The following RBMS3 variants were observed in gnomAD, a reference collection of about 807,000 sequenced individuals.
RBMS3 encodes RNA-binding motif, single-stranded-interacting protein 3.
In RBMS3, 27 loss-of-function variants were observed where a neutral mutation model predicts 66.8. The ratio of observed to expected loss-of-function variants is 0.40; its 90% CI spans 0.30 to 0.56. The LOEUF (loss-of-function observed/expected upper bound fraction) is 0.56, where lower values mean the gene tolerates loss of function less well. RBMS3 is among the 20% of genes least tolerant of loss of function. The pLI, the probability that RBMS3 is intolerant of heterozygous loss-of-function variation, is 0.40. For missense variants in RBMS3, 513 were observed against 549.5 expected, an observed-to-expected ratio of 0.93 and a Z score of 0.66; for synonymous variants, 188 against 183.0, an observed-to-expected ratio of 1.03 and a Z score of -0.22.
chr3:29,413,028 G>A (rs867106061), intron 1 of RBMS3, among the ~76,000 whole-genome samples: 13 of 152,280 alleles, frequency 8.5e-5, no homozygotes, highest in African/African-American at 3.1e-4. Flanking sequence ...AAGAGAAGAT[G>A]GCCCTGTTTG....
intron 1 of RBMS3, among the ~76,000 whole-genome samples, chr3:29,325,723 T>C (rs2035299277): frequency 6.6e-6 from 1 of 152,028 alleles, no homozygotes; most frequent in Non-Finnish European, 1.5e-5. Flanking sequence ...CTCACAGGTG[T>C]TCTTCTAGAA....
At chr3:29,824,284 A>G (rs1314034460) in intron 6 of RBMS3, among the ~76,000 whole-genome samples, 2 of 152,158 alleles carry the variant, frequency 1.3e-5, no homozygotes, top group East Asian at 3.9e-4. Flanking sequence ...CCTTTCCCCC[A>G]TGTGATGACC....
At chr3:29,641,808 G>C (rs2049725942) in intron 4 of RBMS3, among the ~76,000 whole-genome samples, 1 of 152,030 alleles carries the variant, frequency 6.6e-6, no homozygotes, top group Non-Finnish European at 1.5e-5. Flanking sequence ...GTAAAGACCA[G>C]GACACTTATG....
chr3:29,930,105 C>CTTTTTTTTTTTTT (rs2061071164), intron 10 of RBMS3, among the ~76,000 whole-genome samples: 1 of 27,382 alleles, frequency 3.7e-5, no homozygotes, highest in African/African-American at 1.0e-4. Context: ...ACTTTTCTTT[C>CTTTTTTTTTTTTT]TTTCTTTTTT....
chr3:29,462,833 A>G (rs868219760), intron 2 of RBMS3, among the ~76,000 whole-genome samples: 1 of 152,270 alleles, frequency 6.6e-6, no homozygotes, highest in African/African-American at 2.4e-5. Flanking sequence ...CAATGACTTA[A>G]GAAAATGAAG....
chr3:29,956,169 T>C (rs1159841239), intron 12 of RBMS3, among the ~76,000 whole-genome samples: 1 of 152,152 alleles, frequency 6.6e-6, no homozygotes, highest in Non-Finnish European at 1.5e-5. Flanking sequence ...GCTTCACGAC[T>C]CTTCTTTCAC....
chr3:29,338,260 C>T (rs924433134), intron 1 of RBMS3, among the ~76,000 whole-genome samples: 1 of 152,084 alleles, frequency 6.6e-6, no homozygotes, highest in Non-Finnish European at 1.5e-5. Flanking sequence ...TTAAATATCA[C>T]AAATGAGGCT....
Position 29,730,253 on chromosome 3 carries a change from T to C in RBMS3, c.400-9467T>C, listed in dbSNP as rs545927759. The stretch of plus-strand genomic sequence containing the variant: ...CTTAATATATATGACACAGTGTTTG[T>C]CAAGTGAGCTCTGTTGCATAATTCC... On this transcript the variant is annotated intron_variant, in intron 4 of 14. Coordinates refer to ENST00000383767, the MANE Select transcript of RBMS3 (RefSeq NM_001003793.3). 2.1e-5 allele frequency among the ~76,000 whole-genome samples: 3 copies of C among 142,546 alleles called. No homozygotes were observed. In the East Asian group the frequency reaches 6.5e-4, roughly 31 times the overall value. 93.5% of individuals were successfully genotyped at this position (142,546 alleles called of 152,430 possible).
At chr3:29,700,159 C>T (rs947148791) in intron 4 of RBMS3, among the ~76,000 whole-genome samples, 15 of 152,090 alleles carry the variant, frequency 9.9e-5, no homozygotes, top group African/African-American at 3.1e-4. Flanking sequence ...TTTTCTGAAT[C>T]CTTTGATTCC....
chr3:29,822,871 A>G (rs1354584454), intron 6 of RBMS3, among the ~76,000 whole-genome samples: 1 of 152,114 alleles, frequency 6.6e-6, no homozygotes, highest in East Asian at 1.9e-4. Context: ...TAGTGGTAAG[A>G]AATATTCTAA....
Position 29,497,973 on chromosome 3 carries a change from A to ATTTTTTTTTTTTTTTTTTTT in RBMS3, c.307+9492_307+9511dup, listed in dbSNP as rs779555263. On this transcript the variant is annotated intron_variant, in intron 3 of 14. Coordinates refer to ENST00000383767, the MANE Select transcript of RBMS3 (RefSeq NM_001003793.3). ...TCAGAGTTATTCTCTAAAAGTATTC[A>ATTTTTTTTTTTTTTTTTTTT]TTTTTTTTTTTTTTTTTTTTTTTTT... Among the ~76,000 whole-genome samples the ATTTTTTTTTTTTTTTTTTTT allele has an allele frequency of 1.4e-4, 6 of 43,438 alleles. 2 individuals carry two copies. The highest frequency in any genetic ancestry group is 2.5e-4 in the Non-Finnish European group (6 of 24,406). The allele number at this position is 43,438 out of a possible 152,430, so 28.5% of individuals were successfully genotyped here.
chr3:29,651,812 A>G (rs1349971761), intron 4 of RBMS3, among the ~76,000 whole-genome samples: 1 of 152,154 alleles, frequency 6.6e-6, no homozygotes, highest in Admixed American at 6.6e-5. Context: ...GCTTTGCAAG[A>G]TCTCATCCAA....
rs562758478 is a variant in RBMS3, at chr3:29,826,938, T to TCA, written c.638-41909_638-41908dup. On this transcript the variant is annotated intron_variant, in intron 6 of 14. Transcript: ENST00000383767. ...CACATTTCTAGAGTACCAAGATGGG[T>TCA]CACACACACACATCTTTACCAAGTT... Among the ~76,000 whole-genome samples, 436 of 152,122 alleles carry TCA rather than the reference T, an allele frequency of 2.9e-3. 1 individual carries two copies. Among genetic ancestry groups the TCA allele is most frequent in the African/African-American group, 0.01 (417 of 41,512 alleles).
At chr3:29,828,046 G>A (rs1664162275) in intron 6 of RBMS3, among the ~76,000 whole-genome samples, 1 of 151,948 alleles carries the variant, frequency 6.6e-6, no homozygotes, top group South Asian at 2.1e-4. Context: ...TTGTGTGTGT[G>A]TATATGTTTG....
At chr3:29,694,786 G>A (rs1444800795) in intron 4 of RBMS3, among the ~76,000 whole-genome samples, 1 of 151,876 alleles carries the variant, frequency 6.6e-6, no homozygotes, top group Non-Finnish European at 1.5e-5. Context: ...ATTAAAAACT[G>A]TTCTTACCCA....
At chr3:29,678,742 G>T (rs2051362376) in intron 4 of RBMS3, among the ~76,000 whole-genome samples, 1 of 152,060 alleles carries the variant, frequency 6.6e-6, no homozygotes, top group Non-Finnish European at 1.5e-5. Context: ...TGAGTTACTG[G>T]AGAAGGCTAC....
rs758193290 is a variant in RBMS3, at chr3:29,991,161, T to G, written c.1259T>G (p.Val420Gly). ...DTSGQQQQIAVDTSNEHAPAY... is the reference protein window; with the variant it reads ...DTSGQQQQIAGDTSNEHAPAY... ...AGTGGTCAGCAGCAACAGATAGCAG[T>G]GGACACATCCAACGAACATGCACCT... The change falls in exon 14 of 15, where the codon GTG becomes GGG. Residue 420 changes from valine to glycine, a missense_variant. Transcript: ENST00000383767. 1 of 1,614,158 alleles carries G rather than the reference T, an allele frequency of 6.2e-7. No homozygotes were observed. The highest frequency in any genetic ancestry group is 1.1e-5 in the South Asian group (1 of 91,084).
intron 3 of RBMS3, among the ~76,000 whole-genome samples, chr3:29,541,201 A>T (rs1339709256): frequency 6.6e-6 from 1 of 152,144 alleles, no homozygotes; most frequent in Non-Finnish European, 1.5e-5. Flanking sequence ...AAAACTCCCA[A>T]AAATGTATTC....
chr3:29,309,501 G>A lies in RBMS3; in HGVS notation c.75+27745G>A, dbSNP rs531458852. ...TAAGGTGGGCACTATGATGTATTTT[G>A]TCATTTTGCTGGTATTTGGCAGTGA... is the stretch of plus-strand genomic sequence containing the variant. On this transcript the variant is annotated intron_variant, in intron 1 of 14. Transcript: ENST00000383767. 1.8e-3 allele frequency among the ~76,000 whole-genome samples: 277 copies of A among 151,692 alleles called. 1 individual carries two copies. The highest frequency in any genetic ancestry group is 3.0e-3 in the Non-Finnish European group (203 of 67,806).
Sources: gnomAD v4.1 joint callset for allele counts (sites outside exome capture counted in the v4.1 genomes callset) on GRCh38, gnomAD v4.1.1 for gene constraint, MANE v1.5 for transcripts, NCBI Gene and HGNC (gene_info 2026-07-23, HGNC 2026-07-21) for gene names.